Variants in ZNF587 observed in about 807,000 individuals in gnomAD.
ZNF587 encodes zinc finger protein 587.
A neutral mutation model predicts 7.5 loss-of-function variants in ZNF587; 8 were observed. The observed-to-expected ratio is 1.06, with a 90% CI of 0.62 to 1.92. ZNF587 has a LOEUF of 1.92. Among genes scored for constraint, ZNF587 ranks in the 40% most tolerant of loss-of-function variants. The pLI is 0.00. For synonymous variants in ZNF587, 145 were observed against 237.8 expected, an observed-to-expected ratio of 0.61 and a Z score of 3.59; for missense variants, 468 against 692.8, an observed-to-expected ratio of 0.68 and a Z score of 3.64.
rs2071261032 is a variant in ZNF587 at position 57,850,066 on chromosome 19, A to G, written c.28A>G (p.Thr10Ala). The stretch of plus-strand genomic sequence containing the variant: ...GGCAGCGGCTGTGCCGAGGCGCCCA[A>G]CTCAGGTAATTGTGGTGCCTTCTGT... MAAAVPRRP[T>A]QQGTVTFEDV... Residue 10 changes from threonine (T) to alanine (A), a missense_variant, in exon 1 of 3, where the codon ACT becomes GCT. Coordinates refer to ENST00000339656, the MANE Select transcript of ZNF587 (RefSeq NM_032828.4). 1.9e-6 allele frequency: 3 copies of G among 1,614,240 alleles called. No homozygotes were observed. Among genetic ancestry groups the G allele is most frequent in the Non-Finnish European group, 2.5e-6 (3 of 1,180,044 alleles).
intron 1 of ZNF587, chr19:57,850,568 A>G: frequency 2.4e-6 from 1 of 412,032 alleles, no homozygotes; most frequent in Non-Finnish European, 4.3e-6. Context: ...GGATCTGCAA[A>G]ATGCCCCAAG....
At chr19:57,853,350 A>G (rs781065330) in intron 1 of ZNF587, among the ~76,000 whole-genome samples, 5 of 152,250 alleles carry the variant, frequency 3.3e-5, no homozygotes, top group African/African-American at 4.8e-5. Flanking sequence ...AAGTGGTGGC[A>G]TCAAATCGAT....
At position 57,861,210 on chromosome 19, in the gene ZNF587, CTATCTACCATCA is replaced by C. The variant is rs1190186523; in HGVS notation, c.*1071_*1082del. 6 of 152,150 alleles carry C rather than the reference CTATCTACCATCA, an allele frequency of 3.9e-5. No individual in the cohort carries two copies. The highest frequency in any genetic ancestry group is 1.4e-4 in the African/African-American group (6 of 41,418). The allele number at this position is 152,150 out of a possible 1,614,324, so 9.4% of individuals were successfully genotyped here. On this transcript the variant is annotated 3_prime_UTR_variant, in exon 3 of 3. Coordinates refer to ENST00000339656, the MANE Select transcript of ZNF587 (RefSeq NM_032828.4). The stretch of plus-strand genomic sequence containing the variant: ...ATGAAATTATTGCTCATTTGTATAT[CTATCTACCATCA>C]GTGTCCAAGAATTTCTGTTCTATCT...
Position 57,862,842 on chromosome 19 carries a change from A to T in ZNF587, c.*2702A>T, listed in dbSNP as rs2071452959. On this transcript the variant is annotated 3_prime_UTR_variant, in exon 3 of 3. Transcript: ENST00000339656. Reference sequence around the variant, plus strand: ...AATCTGTTTCCTCTCACTCTGAATTATTCTTCCTCTTATGGCTGACCAAAA... The same window carrying T: ...AATCTGTTTCCTCTCACTCTGAATTTTTCTTCCTCTTATGGCTGACCAAAA... The T allele has an allele frequency of 6.5e-6, 1 of 154,996 alleles. No individual in the cohort carries two copies. The highest frequency in any genetic ancestry group is 1.5e-5 in the Non-Finnish European group (1 of 68,254). The allele number at this position is 154,996 out of a possible 1,614,324, so 9.6% of individuals were successfully genotyped here. A position where few individuals can be genotyped will look rare whatever the true frequency, so the allele number is the denominator to read the frequency against.
rs1399491835 is a variant in ZNF587, at chr19:57,863,872, GTC to G, written c.*3736_*3737del. The G allele has an allele frequency of 2.0e-5, 3 of 151,322 alleles. No individual in the cohort carries two copies. Among genetic ancestry groups the G allele is most frequent in the South Asian group, 4.2e-4 (2 of 4,792 alleles). The allele number at this position is 151,322 out of a possible 1,614,324, so 9.4% of individuals were successfully genotyped here. A position where few individuals can be genotyped will look rare whatever the true frequency, so the allele number is the denominator to read the frequency against. On this transcript the variant is annotated 3_prime_UTR_variant, in exon 3 of 3. Transcript: ENST00000339656. ...ACCCTGGCCAATATTGTGAATTCCTGTCTCTACTAAAAATACAAAAATTAGTC... is the reference window on the plus strand; with the variant it reads ...ACCCTGGCCAATATTGTGAATTCCTGTCTACTAAAAATACAAAAATTAGTC...
intron 2 of ZNF587, among the ~76,000 whole-genome samples, chr19:57,856,610 G>A (rs776952143): frequency 3.2e-4 from 48 of 151,914 alleles, no homozygotes; most frequent in Middle Eastern, 6.8e-3. Flanking sequence ...AGGTTTCACC[G>A]TGTTAGCCAG....
intron 1 of ZNF587, among the ~76,000 whole-genome samples, chr19:57,855,012 T>TAA (rs979827616): frequency 2.8e-5 from 4 of 142,184 alleles, no homozygotes; most frequent in African/African-American, 1.0e-4. Context: ...CCGTCTCTAC[T>TAA]AAAAAAAAAA....
chr19:57,849,917 G>A lies in ZNF587; in HGVS notation c.-122G>A, dbSNP rs115379680. The A allele has an allele frequency of 1.1e-3, 1,686 of 1,589,366 alleles. 15 individuals carry two copies. The African/African-American group carries it at 0.021, about 20-fold the overall frequency. ...CCCCAGTTTGTGGCCCCTGAGTGCT[G>A]GGTGGGACCGCGGTGACTGAACCTA... On this transcript the variant is annotated 5_prime_UTR_variant, in exon 1 of 3. The change creates a premature stop within an existing upstream ORF in the 5' untranslated region. Coordinates refer to ENST00000339656, the MANE Select transcript of ZNF587 (RefSeq NM_032828.4).
Position 57,858,607 on chromosome 19 carries a change from A to G in ZNF587, c.195A>G (p.Ala65=), listed in dbSNP as rs754852923. The change falls in exon 3 of 3, where the codon GCA becomes GCG. Residue 65 remains alanine, a synonymous_variant. Coordinates refer to ENST00000339656, the MANE Select transcript of ZNF587 (RefSeq NM_032828.4). ...GCWCGSKDEE[A]PCKQRISVQR... ...GGTGTGGATCAAAAGATGAGGAGGC[A>G]CCTTGTAAGCAGAGAATTTCTGTAC... 9 of 1,588,828 alleles carry G rather than the reference A, an allele frequency of 5.7e-6. No homozygotes were observed. The highest frequency in any genetic ancestry group is 7.7e-6 in the Non-Finnish European group (9 of 1,168,188).
intron 1 of ZNF587, chr19:57,851,296 A>C (rs1383001973): frequency 6.6e-6 from 1 of 152,236 alleles, no homozygotes; most frequent in East Asian, 1.9e-4. Context: ...CTGCAAAGAC[A>C]GGCTGGTCCC....
At position 57,860,663 on chromosome 19, in the gene ZNF587, A is replaced by T. The variant is rs2071422021; in HGVS notation, c.*523A>T. On this transcript the variant is annotated 3_prime_UTR_variant, in exon 3 of 3. Transcript: ENST00000339656. Reference sequence around the variant, plus strand: ...ATGCTTTGGGAGGACAAGGTGGTTCATTGGAGGCCAGGAGTTAGAGATCAG... The same window carrying T: ...ATGCTTTGGGAGGACAAGGTGGTTCTTTGGAGGCCAGGAGTTAGAGATCAG... 6.2e-6 allele frequency: 1 copy of T among 160,644 alleles called. No individual in the cohort carries two copies. Among genetic ancestry groups the T allele is most frequent in the Non-Finnish European group, 1.4e-5 (1 of 72,882 alleles). The allele number at this position is 160,644 out of a possible 1,614,324, so 10.0% of individuals were successfully genotyped here.
Position 57,850,019 on chromosome 19 carries a change from G to T in ZNF587, c.-20G>T, listed in dbSNP as rs777850179. The T allele has an allele frequency of 1.2e-5, 20 of 1,614,078 alleles. No homozygotes were observed. Among genetic ancestry groups the T allele is most frequent in the Admixed American group, 1.2e-4 (7 of 60,016 alleles). ...TGACGGCGACCACTGCTCCCGGGCC[G>T]TGCTTCCCCAAGTAGTCCGATGGCA... On this transcript the variant is annotated 5_prime_UTR_variant, in exon 1 of 3. Coordinates refer to ENST00000339656, the MANE Select transcript of ZNF587 (RefSeq NM_032828.4).
intron 1 of ZNF587, among the ~76,000 whole-genome samples, chr19:57,855,286 A>G (rs558385045): frequency 6.6e-6 from 1 of 152,182 alleles, no homozygotes; most frequent in African/African-American, 2.4e-5. Flanking sequence ...CGGAGGCTGC[A>G]GTGAGCCATG....
intron 1 of ZNF587, chr19:57,851,347 A>G (rs141666778): frequency 0.02 from 3,107 of 152,318 alleles, 59 homozygotes; most frequent in South Asian, 0.031. Context: ...GCTATTATCA[A>G]TTTTGTTTCA....
At chr19:57,858,385 C>T (rs2071392419) in intron 2 of ZNF587, 191 bp from the exon 3 acceptor site, 3 of 1,214,758 alleles carry the variant, frequency 2.5e-6, no homozygotes, top group Admixed American at 5.9e-5. Flanking sequence ...CCTCAGCCTC[C>T]CAAAGTGCTG....
chr19:57,859,316 G>A lies in ZNF587; in HGVS notation c.904G>A (p.Gly302Arg), dbSNP rs1001078746. The A allele has an allele frequency of 8.2e-6, 13 of 1,590,532 alleles. 1 individual carries two copies. Among genetic ancestry groups the A allele is most frequent in the African/African-American group, 5.5e-5 (4 of 72,452 alleles). ...GACAGCTTATCCCTGTGAGGAGTGC[G>A]GGAAATCTTTTAGTCAGAAGGGCAG... The part of the protein sequence containing the change: ...GQTAYPCEEC[G>R]KSFSQKGSLI... The change falls in exon 3 of 3, where the codon GGG becomes AGG. Residue 302 changes from glycine (G) to arginine (R), a missense_variant. Coordinates refer to ENST00000339656, the MANE Select transcript of ZNF587 (RefSeq NM_032828.4).
chr19:57,856,050 G>A (rs2071351183), intron 1 of ZNF587, 54 bp from the exon 2 acceptor site: 3 of 1,608,572 alleles, frequency 1.9e-6, no homozygotes, highest in Non-Finnish European at 2.5e-6. Context: ...GGAGAGGTGG[G>A]TTGTGGTACC....
rs747404688 is a variant in ZNF587, at chr19:57,860,300, G to A, written c.*160G>A. 4.9e-5 allele frequency: 69 copies of A among 1,404,412 alleles called. No individual in the cohort carries two copies. The highest frequency in any genetic ancestry group is 1.8e-4 in the Middle Eastern group (1 of 5,490). 87.0% of individuals were successfully genotyped at this position (1,404,412 alleles called of 1,614,324 possible). A position where few individuals can be genotyped will look rare whatever the true frequency, so the allele number is the denominator to read the frequency against. On this transcript the variant is annotated 3_prime_UTR_variant, in exon 3 of 3. Transcript: ENST00000339656. ...CGACTTCGTGTTGAGATGGAGTCTT[G>A]TTCTGTCACCCAGGCTGGAGTGCAG...
rs149495734 is a variant in ZNF587 at position 57,859,394 on chromosome 19, G to A, written c.982G>A (p.Glu328Lys). ...HTGEGPYECR[E>K]CGKSFGQKGN... ...TGGAGAAGGGCCTTATGAGTGTAGAGAATGTGGGAAATCTTTTGGTCAAAA... is the reference window on the plus strand; with the variant it reads ...TGGAGAAGGGCCTTATGAGTGTAGAAAATGTGGGAAATCTTTTGGTCAAAA... The change falls in exon 3 of 3, where the codon GAA (glutamate) becomes AAA (lysine). Residue 328 changes from glutamate (E) to lysine (K), a missense_variant. Glu to Lys is a moderately conservative substitution (Grantham distance 56). Coordinates refer to ENST00000339656, the MANE Select transcript of ZNF587 (RefSeq NM_032828.4). 1.9e-6 allele frequency: 3 copies of A among 1,608,342 alleles called. No homozygotes were observed. Among genetic ancestry groups the A allele is most frequent in the South Asian group, 1.1e-5 (1 of 91,048 alleles).
Sources: gnomAD v4.1 joint callset for allele counts (sites outside exome capture counted in the v4.1 genomes callset) on GRCh38, gnomAD v4.1.1 for gene constraint, MANE v1.5 for transcripts, NCBI Gene and HGNC (gene_info 2026-07-23, HGNC 2026-07-21) for gene names.